Variants in ROBO2 observed in about 807,000 individuals in gnomAD.
ROBO2 encodes the protein roundabout guidance receptor 2.
In ROBO2, 53 loss-of-function variants were observed where a neutral mutation model predicts 160.8. That is an observed-to-expected ratio of 0.33 (90% CI 0.26 to 0.41). The LOEUF is 0.41. Ranked by LOEUF, ROBO2 falls within the 10% of genes least tolerant of loss-of-function variation. The pLI, the probability that ROBO2 is intolerant of heterozygous loss-of-function variation, is 1.00. For synonymous variants in ROBO2, 664 were observed against 611.7 expected (o/e 1.09, Z -1.26); for missense variants, 1,577 against 1,722.4 (o/e 0.92, Z 1.49).
intron 2 of ROBO2, among the ~76,000 whole-genome samples, chr3:77,195,473 A>T (rs1362954315): frequency 6.6e-6 from 1 of 152,214 alleles, no homozygotes; most frequent in African/African-American, 2.4e-5. Flanking sequence ...CTAAACTGAC[A>T]GTAAAATTGC....
At chr3:77,077,662 C>T (rs146055109) in intron 1 of ROBO2, among the ~76,000 whole-genome samples, 143 of 152,272 alleles carry the variant, frequency 9.4e-4, no homozygotes, top group Admixed American at 2.4e-3. Flanking sequence ...GTAGTCTTGT[C>T]CAGATTTTCA....
intron 2 of ROBO2, among the ~76,000 whole-genome samples, chr3:76,656,387 A>C (rs1261432735): frequency 1.3e-5 from 2 of 152,124 alleles, no homozygotes; most frequent in African/African-American, 4.8e-5. Flanking sequence ...TACACTGATA[A>C]ATAACAATAA....
Position 76,749,564 on chromosome 3 carries a change from G to A in ROBO2, c.110-348450G>A, listed in dbSNP as rs1341890407. 4.6e-5 allele frequency among the ~76,000 whole-genome samples: 7 copies of A among 152,114 alleles called. 1 individual carries two copies. In the East Asian group the frequency reaches 9.7e-4, roughly 21 times the overall value. The stretch of plus-strand genomic sequence containing the variant: ...ATTTATCAAGAAAGAAGACAGAGGT[G>A]GGCCTTCCAGGAAGAAGCTTCAATT... On this transcript the variant is annotated intron_variant, in intron 2 of 26. Coordinates refer to the ROBO2 transcript ENST00000487694.
At chr3:77,574,463 C>G in intron 13 of ROBO2, 36 bp from the exon 15 acceptor site, 1 of 1,536,944 alleles carries the variant, frequency 6.5e-7, no homozygotes, top group Non-Finnish European at 9.0e-7. Context: ...AAAATACTTT[C>G]CTTTAGTTTC....
intron 2 of ROBO2, among the ~76,000 whole-genome samples, chr3:76,563,220 GCT>G (rs2084307311): frequency 6.6e-6 from 1 of 152,026 alleles, no homozygotes; most frequent in Non-Finnish European, 1.5e-5. Flanking sequence ...TGGATATTTA[GCT>G]CTGTCATCAG....
At chr3:77,356,235 T>C (rs2069102228) in intron 2 of ROBO2, among the ~76,000 whole-genome samples, 2 of 152,210 alleles carry the variant, frequency 1.3e-5, no homozygotes. Flanking sequence ...TGGAAAGTTC[T>C]ATGTTAAATG....
At chr3:76,896,580 A>G (rs1329913201) in intron 2 of ROBO2, among the ~76,000 whole-genome samples, 1 of 152,170 alleles carries the variant, frequency 6.6e-6, no homozygotes, top group African/African-American at 2.4e-5. Context: ...TATTATCCTC[A>G]ATTCTTAATT....
intron 2 of ROBO2, among the ~76,000 whole-genome samples, chr3:76,538,544 C>G (rs1394902533): frequency 1.3e-5 from 2 of 152,150 alleles, no homozygotes; most frequent in African/African-American, 2.4e-5. Context: ...CATAAAACCT[C>G]TCACACCTTG....
chr3:76,928,961 G>C (rs1246752452), intron 2 of ROBO2, among the ~76,000 whole-genome samples: 1 of 152,048 alleles, frequency 6.6e-6, no homozygotes, highest in African/African-American at 2.4e-5. Context: ...ATCTCCAATA[G>C]AAAACACCCC....
exon 22 of ROBO2, chr3:77,617,631 GCTT>G: frequency 6.2e-7 from 1 of 1,614,118 alleles, no homozygotes; most frequent in Non-Finnish European, 8.5e-7. Context: ...TCGAGGCGTG[GCTT>G]CTTCTCCTGC....
At chr3:77,020,320 A>G (rs1276119034) in intron 2 of ROBO2, among the ~76,000 whole-genome samples, 1 of 152,196 alleles carries the variant, frequency 6.6e-6, no homozygotes, top group Non-Finnish European at 1.5e-5. Context: ...TTTATATATA[A>G]AAGCATTGGA....
chr3:76,117,469 A>G (rs148051620), intron 2 of ROBO2, among the ~76,000 whole-genome samples: 2,511 of 152,274 alleles, frequency 0.016, 26 homozygotes, highest in Non-Finnish European at 0.024. Context: ...ATGAGACACC[A>G]AGTTTAACAA....
chr3:76,870,869 A>G (rs2071966345), intron 2 of ROBO2, among the ~76,000 whole-genome samples: 1 of 152,200 alleles, frequency 6.6e-6, no homozygotes, highest in Admixed American at 6.5e-5. Flanking sequence ...TGTGGTTTAT[A>G]AAATGTATTT....
intron 2 of ROBO2, among the ~76,000 whole-genome samples, chr3:76,029,729 T>C (rs1026909837): frequency 1.1e-4 from 16 of 152,174 alleles, no homozygotes; most frequent in Non-Finnish European, 2.2e-4. Flanking sequence ...TATTCCATGG[T>C]GTATATGTGC....
chr3:76,518,822 C>T (rs1445145460), intron 2 of ROBO2, among the ~76,000 whole-genome samples: 5 of 152,016 alleles, frequency 3.3e-5, no homozygotes, highest in African/African-American at 9.7e-5. Context: ...CCATCACTTC[C>T]TACATATTTA....
intron 2 of ROBO2, among the ~76,000 whole-genome samples, chr3:76,482,966 C>T (rs1370547361): frequency 1.3e-5 from 2 of 152,112 alleles, no homozygotes; most frequent in African/African-American, 4.8e-5. Context: ...GTGTTTCCAA[C>T]ATCCTCAAAT....
chr3:77,164,647 G>A (rs2078837926), intron 2 of ROBO2, among the ~76,000 whole-genome samples: 1 of 120,714 alleles, frequency 8.3e-6, no homozygotes, highest in African/African-American at 3.2e-5. Flanking sequence ...CAGCCGCCCC[G>A]TCCGGGAGGG....
chr3:77,388,981 G>T (rs2074421138), intron 2 of ROBO2, among the ~76,000 whole-genome samples: 3 of 152,134 alleles, frequency 2.0e-5, no homozygotes, highest in Non-Finnish European at 4.4e-5. Flanking sequence ...TTTCACTCTT[G>T]TTGCCCAGGC....
chr3:77,040,991 G>A (rs1300509359), intron 1 of ROBO2, 145 bp downstream of exon 1: 7 of 999,020 alleles, frequency 7.0e-6, no homozygotes, highest in African/African-American at 3.3e-5. Context: ...CTCCTTGGGG[G>A]CAGAGGTTTT....
Sources: allele counts gnomAD v4.1 joint callset (sites outside exome capture counted in the v4.1 genomes callset), GRCh38; gene constraint gnomAD v4.1.1; transcripts MANE v1.5; gene names NCBI Gene and HGNC (gene_info 2026-07-23, HGNC 2026-07-21).